AUTS2: variants seen among roughly 807,000 people sequenced by gnomAD.
AUTS2 encodes activator of transcription and developmental regulator AUTS2, also known as autism susceptibility gene 2 protein.
AUTS2 carries 17 observed loss-of-function variants against 112.4 expected under a neutral mutation model. That is an observed-to-expected ratio of 0.15 (90% CI 0.10 to 0.23). AUTS2 has a LOEUF of 0.23. AUTS2 is among the 10% of genes least tolerant of loss of function. The pLI is 1.00. For missense variants in AUTS2, 1,510 were observed against 1,701.6 expected, an observed-to-expected ratio of 0.89 and a Z score of 1.98; for synonymous variants, 751 against 702.7, an observed-to-expected ratio of 1.07 and a Z score of -1.09.
chr7:70,490,897 A>G (rs147199065), intron 5 of AUTS2, among the ~76,000 whole-genome samples: 33 of 152,344 alleles, frequency 2.2e-4, no homozygotes, highest in African/African-American at 7.2e-4. Flanking sequence ...AAGTCTGAAT[A>G]TTCATGGCAG....
intron 1 of AUTS2, among the ~76,000 whole-genome samples, chr7:69,689,441 C>T (rs1317673786): frequency 6.9e-6 from 1 of 145,184 alleles, no homozygotes; most frequent in Non-Finnish European, 1.5e-5. Flanking sequence ...ACTTCCACCT[C>T]CTGGGTTCAA....
chr7:70,411,840 G>A (rs1032959015), intron 4 of AUTS2, among the ~76,000 whole-genome samples: 2 of 151,480 alleles, frequency 1.3e-5, no homozygotes, highest in African/African-American at 2.4e-5. Context: ...GTGGTTTTGG[G>A]AAACAGGACA....
At chr7:70,620,453 C>T (rs1301603027) in intron 5 of AUTS2, among the ~76,000 whole-genome samples, 3 of 152,032 alleles carry the variant, frequency 2.0e-5, no homozygotes, top group South Asian at 2.1e-4. Context: ...GTGCAGTAGG[C>T]GCTCAGTCAC....
intron 4 of AUTS2, among the ~76,000 whole-genome samples, chr7:70,252,339 C>T (rs1786645864): frequency 6.6e-6 from 1 of 152,034 alleles, no homozygotes; most frequent in Admixed American, 6.6e-5. Context: ...CTTTAATTTC[C>T]CTGTTGATCA....
At position 70,242,966 on chromosome 7, in the gene AUTS2, G is replaced by A. The variant is rs1053055439; in HGVS notation, c.660+108395G>A. Among the ~76,000 whole-genome samples the A allele has an allele frequency of 3.3e-5, 5 of 152,098 alleles. No individual in the cohort carries two copies. The East Asian group carries it at 5.8e-4, about 18-fold the overall frequency. On this transcript the variant is annotated intron_variant, in intron 4 of 18. Transcript: ENST00000342771. ...GCAGTAGTTGCAAAACCCGTAGGCC[G>A]CCTACTGCCTTCCACACATTCAGCA...
At chr7:70,735,527 C>A (rs749862923) in intron 6 of AUTS2, among the ~76,000 whole-genome samples, 3 of 152,068 alleles carry the variant, frequency 2.0e-5, no homozygotes, top group Non-Finnish European at 4.4e-5. Flanking sequence ...CTTTAAGGAC[C>A]GCGAGGAGAG....
chr7:69,783,004 A>C (rs558808190), intron 1 of AUTS2, among the ~76,000 whole-genome samples: 1 of 151,110 alleles, frequency 6.6e-6, no homozygotes, highest in Admixed American at 6.6e-5. Flanking sequence ...CATGGTCCAC[A>C]TGCTGTGGTG....
intron 1 of AUTS2, among the ~76,000 whole-genome samples, chr7:69,747,909 A>C (rs1458364814): frequency 6.6e-6 from 1 of 152,036 alleles, no homozygotes; most frequent in Non-Finnish European, 1.5e-5. Context: ...ATGGGCATGA[A>C]GCATGCAGAG....
At chr7:70,095,621 C>A (rs1804153619) in intron 2 of AUTS2, among the ~76,000 whole-genome samples, 1 of 152,164 alleles carries the variant, frequency 6.6e-6, no homozygotes, top group Non-Finnish European at 1.5e-5. Flanking sequence ...TACATAGTCT[C>A]TGCTCTACTT....
intron 2 of AUTS2, among the ~76,000 whole-genome samples, chr7:70,107,468 C>G (rs187772030): frequency 1.3e-4 from 20 of 150,398 alleles, no homozygotes; most frequent in African/African-American, 4.6e-4. Context: ...CTCAGCCTCC[C>G]GAGTAGCTGG....
rs1794281032 is a variant in AUTS2 at position 70,400,504 on chromosome 7, A to C, written c.661-35248A>C. Among the ~76,000 whole-genome samples the C allele has an allele frequency of 3.3e-5, 5 of 152,184 alleles. No homozygotes were observed. In the South Asian group the frequency reaches 1.0e-3, roughly 32 times the overall value. ...ACAGTTTGACCGAGGTTAGGTGGCA[A>C]GGAAGGAGAAAGCATACATGGGAAG... On this transcript the variant is annotated intron_variant, in intron 4 of 18. Coordinates refer to ENST00000342771, the MANE Select transcript of AUTS2 (RefSeq NM_015570.4).
intron 5 of AUTS2, among the ~76,000 whole-genome samples, chr7:70,491,232 TATCTCTGTCTTTC>T (rs986319475): frequency 4.6e-5 from 7 of 152,096 alleles, no homozygotes; most frequent in Admixed American, 4.6e-4. Context: ...TCTCTCTCTC[TATCTCTGTCTTTC>T]ATCTGTCCTA....
In AUTS2 at chr7:70,782,063, T is replaced by C. The variant is rs1791124461; in HGVS notation, c.2146+307T>C. ...GCATGTCAGTTGCTATTGAGAAAGA[T>C]CTGAAGGCTTGCAAGGGCAGATCGG... On this transcript the variant is annotated intron_variant, in intron 15 of 18. Transcript: ENST00000342771. The C allele has an allele frequency of 9.2e-6, 3 of 326,760 alleles. 1 individual carries two copies. 20.2% of individuals were successfully genotyped at this position (326,760 alleles called of 1,614,324 possible).
At chr7:69,926,099 T>C (rs539046461) in intron 2 of AUTS2, among the ~76,000 whole-genome samples, 1 of 152,354 alleles carries the variant, frequency 6.6e-6, no homozygotes, top group South Asian at 2.1e-4. Context: ...TTTGTAGATG[T>C]TCCCTGAGCA....
At chr7:70,698,513 G>GTGATGACAATAT (rs777595635) in intron 5 of AUTS2, 56 bp from the exon 6 acceptor site, 29 of 1,395,198 alleles carry the variant, frequency 2.1e-5, no homozygotes, top group Non-Finnish European at 2.8e-5. Flanking sequence ...AATGTTGATG[G>GTGATGACAATAT]TGATGACAAT....
chr7:70,162,813 G>T (rs1421112153), intron 4 of AUTS2, among the ~76,000 whole-genome samples: 1 of 152,160 alleles, frequency 6.6e-6, no homozygotes, highest in South Asian at 2.1e-4. Flanking sequence ...GAAATAACCA[G>T]CGTTAACATT....
At chr7:70,549,863 T>C (rs1800946717) in intron 5 of AUTS2, among the ~76,000 whole-genome samples, 2 of 152,244 alleles carry the variant, frequency 1.3e-5, no homozygotes, top group South Asian at 4.1e-4. Flanking sequence ...GGCTCATTTA[T>C]GTAACCCACT....
chr7:70,459,810 A>G (rs1562968409), intron 5 of AUTS2, among the ~76,000 whole-genome samples: 3 of 152,192 alleles, frequency 2.0e-5, no homozygotes, highest in African/African-American at 7.2e-5. Context: ...CTGTAGGTTC[A>G]GTGAGACTCC....
chr7:70,338,253 G>A (rs1208589210), intron 4 of AUTS2, among the ~76,000 whole-genome samples: 1 of 152,210 alleles, frequency 6.6e-6, no homozygotes, highest in Non-Finnish European at 1.5e-5. Flanking sequence ...ATTTGACAGA[G>A]TAAGTGCCCC....
Sources: gnomAD v4.1 joint callset for allele counts (sites outside exome capture counted in the v4.1 genomes callset) on GRCh38, gnomAD v4.1.1 for gene constraint, MANE v1.5 for transcripts, NCBI Gene and HGNC (gene_info 2026-07-23, HGNC 2026-07-21) for gene names.